Variants in PTPN11 observed in about 807,000 individuals in gnomAD.
PTPN11 encodes protein tyrosine phosphatase non-receptor type 11.
Under a neutral mutation model 78.8 loss-of-function variants are expected in PTPN11, and 6 were observed. The observed-to-expected ratio is 0.08, with a 90% confidence interval of 0.04 to 0.15. The LOEUF (loss-of-function observed/expected upper bound fraction) is 0.15. Ranked by LOEUF, PTPN11 falls within the 10% of genes least tolerant of loss-of-function variation. The probability of loss-of-function intolerance (pLI) is 1.00; values close to 1 mark genes in which losing one functional copy is unlikely to be tolerated. For missense variants in PTPN11, 386 were observed against 744.8 expected, an observed-to-expected ratio of 0.52 and a Z score of 5.61; for synonymous variants, 221 against 263.5, an observed-to-expected ratio of 0.84 and a Z score of 1.56.
At chr12:112,450,073 C>A (rs545828368) in intron 2 of PTPN11, among the ~76,000 whole-genome samples, 5 of 143,128 alleles carry the variant, frequency 3.5e-5, no homozygotes, top group African/African-American at 1.0e-4. Flanking sequence ...GCAATAAGAG[C>A]GAAACTCCAT....
rs1028012625 is a variant in PTPN11 at position 112,488,625 on chromosome 12, A to G, written c.1447+115A>G. On this transcript the variant is annotated intron_variant, in intron 12 of 15. Coordinates refer to ENST00000351677, the MANE Select transcript of PTPN11 (RefSeq NM_002834.5). ...TGAATGGGAAAATTCTTTCACAAAA[A>G]TCTGGGCTGAAGACTTCAGTGTGTC... is the stretch of plus-strand genomic sequence containing the variant. 1.4e-5 allele frequency: 16 copies of G among 1,112,354 alleles called. No individual in the cohort carries two copies. In the African/African-American group the frequency reaches 2.0e-4, roughly 14 times the overall value. The allele number at this position is 1,112,354 out of a possible 1,614,324, so 68.9% of individuals were successfully genotyped here. A position where few individuals can be genotyped will look rare whatever the true frequency, so the allele number is the denominator to read the frequency against.
chr12:112,455,783 AC>A (rs1464501245), intron 5 of PTPN11, among the ~76,000 whole-genome samples, 166 bp from the exon 6 acceptor site: 1 of 152,132 alleles, frequency 6.6e-6, no homozygotes, highest in Non-Finnish European at 1.5e-5. Context: ...AACAGAAAAC[AC>A]GGTGAAACGA....
chr12:112,440,965 CT>C (rs376303682), intron 1 of PTPN11, among the ~76,000 whole-genome samples: 2,038 of 131,472 alleles, frequency 0.016, 36 homozygotes, highest in African/African-American at 0.05. Flanking sequence ...CTTTTCTTTT[CT>C]TTTTTTTTTT....
intron 13 of PTPN11, 50 bp from the exon 14 acceptor site, chr12:112,502,094 C>A (rs1310794162): frequency 1.4e-6 from 2 of 1,423,976 alleles, no homozygotes; most frequent in South Asian, 2.3e-5. Flanking sequence ...TGCTTTTTAT[C>A]CCCTTAAAAT....
chr12:112,463,042 T>A (rs1480187765), intron 6 of PTPN11, among the ~76,000 whole-genome samples: 10 of 152,208 alleles, frequency 6.6e-5, no homozygotes, highest in African/African-American at 2.2e-4. Flanking sequence ...GCAAGCTACT[T>A]GTTTTAATTA....
At chr12:112,440,221 GGTATCACATAAATTGAGGTTGAC>G (rs1236723961) in intron 1 of PTPN11, among the ~76,000 whole-genome samples, 2 of 152,104 alleles carry the variant, frequency 1.3e-5, no homozygotes, top group Non-Finnish European at 2.9e-5. Context: ...TAGAATAATA[GGTATCACATAAATTGAGGTTGAC>G]GTTTTCCCGG....
chr12:112,469,608 G>A (rs1592841146), intron 6 of PTPN11, among the ~76,000 whole-genome samples: 1 of 152,068 alleles, frequency 6.6e-6, no homozygotes, highest in East Asian at 1.9e-4. Context: ...TCTGCTTCCT[G>A]GGTTTAAGCG....
chr12:112,441,125 C>T (rs1362194992), intron 1 of PTPN11, among the ~76,000 whole-genome samples: 1 of 151,494 alleles, frequency 6.6e-6, no homozygotes, highest in African/African-American at 2.4e-5. Context: ...CCACCATGCC[C>T]GGCTGATTTT....
chr12:112,454,818 CTTTTTTTTTTTT>C (rs753974743), intron 5 of PTPN11, 138 bp downstream of exon 5: 2 of 475,104 alleles, frequency 4.2e-6, no homozygotes, highest in Non-Finnish European at 7.8e-6. Flanking sequence ...ACTATCAAAT[CTTTTTTTTTTTT>C]TTTTTTTTTG....
At chr12:112,446,164 T>G (rs1762353830) in intron 1 of PTPN11, 112 bp from the exon 2 acceptor site, 1 of 1,388,446 alleles carries the variant, frequency 7.2e-7, no homozygotes, top group Non-Finnish European at 1.0e-6. Context: ...TCTTGATTTG[T>G]ATTTTCTAAA....
At chr12:112,454,818 CTTTTTTTTTT>C (rs753974743) in intron 5 of PTPN11, 138 bp downstream of exon 5, 1 of 474,832 alleles carries the variant, frequency 2.1e-6, no homozygotes. Flanking sequence ...ACTATCAAAT[CTTTTTTTTTT>C]TTTTTTTTTT....
chr12:112,428,194 T>C (rs1421040345), intron 1 of PTPN11, among the ~76,000 whole-genome samples: 1 of 152,226 alleles, frequency 6.6e-6, no homozygotes, highest in East Asian at 1.9e-4. Flanking sequence ...TAATTGTAAT[T>C]AACTGTAATC....
chr12:112,509,588 T>G lies in PTPN11; in HGVS notation c.*3796T>G, dbSNP rs1282210007. 5 of 152,772 alleles carry G rather than the reference T, an allele frequency of 3.3e-5. No individual in the cohort carries two copies. The highest frequency in any genetic ancestry group is 4.1e-4 in the South Asian group (2 of 4,822). 9.5% of individuals were successfully genotyped at this position (152,772 alleles called of 1,614,324 possible). On this transcript the variant is annotated 3_prime_UTR_variant, in exon 16 of 16. Coordinates refer to ENST00000351677, the MANE Select transcript of PTPN11 (RefSeq NM_002834.5). Reference sequence around the variant, plus strand: ...AAATCTATCCTTTAAAAGGAATACGTTTTAGGATGTCATCATTTTGATGTG... The same window carrying G: ...AAATCTATCCTTTAAAAGGAATACGGTTTAGGATGTCATCATTTTGATGTG...
In PTPN11 at chr12:112,436,501, T is replaced by A. The variant is rs144935652; in HGVS notation, c.15-9775T>A. On this transcript the variant is annotated intron_variant, in intron 1 of 15. Coordinates refer to ENST00000351677, the MANE Select transcript of PTPN11 (RefSeq NM_002834.5). ...CAGTGGTTTGGCTCTGTAGGTTGCTTCAATAACCAAGAGATGCTTCAAATC... is the reference window on the plus strand; with the variant it reads ...CAGTGGTTTGGCTCTGTAGGTTGCTACAATAACCAAGAGATGCTTCAAATC... Among the ~76,000 whole-genome samples the A allele has an allele frequency of 5.6e-3, 850 of 152,254 alleles. 7 individuals are homozygous for A. Among genetic ancestry groups the A allele is most frequent in the African/African-American group, 0.019 (803 of 41,556 alleles).
intron 1 of PTPN11, among the ~76,000 whole-genome samples, chr12:112,419,712 T>C (rs558361162): frequency 6.6e-6 from 1 of 152,288 alleles, no homozygotes; most frequent in South Asian, 2.1e-4. Flanking sequence ...CCACTAGAAG[T>C]ATTTCCTTCC....
chr12:112,490,914 A>G (rs529668065), intron 13 of PTPN11, among the ~76,000 whole-genome samples: 3 of 152,366 alleles, frequency 2.0e-5, no homozygotes, highest in African/African-American at 7.2e-5. Flanking sequence ...TTTAAATGGC[A>G]GACATAACAT....
rs979134724 is a variant in PTPN11 at position 112,506,057 on chromosome 12, A to G, written c.*265A>G. ...TACAATGTAGACAACATTATATTTT[A>G]TAGAATTTGTTTGAAATTGAGGAAG... On this transcript the variant is annotated 3_prime_UTR_variant, in exon 16 of 16. Transcript: ENST00000351677. 2.0e-5 allele frequency: 3 copies of G among 152,264 alleles called. No individual in the cohort carries two copies. The highest frequency in any genetic ancestry group is 7.2e-5 in the African/African-American group (3 of 41,470). The allele number at this position is 152,264 out of a possible 1,614,324, so 9.4% of individuals were successfully genotyped here.
At position 112,477,677 on chromosome 12, in the gene PTPN11, G is replaced by T. The variant is rs376007642; in HGVS notation, c.880G>T (p.Asp294Tyr). Residue 294 changes from aspartate to tyrosine, a missense_variant, in exon 8 of 16, where the codon GAT becomes TAT. Coordinates refer to ENST00000351677, the MANE Select transcript of PTPN11 (RefSeq NM_002834.5). ...TGATCATACCAGGGTTGTCCTACAC[G>T]ATGGTGATCCCAATGAGCCTGTTTC... The part of the protein sequence containing the change: ...PFDHTRVVLH[D>Y]GDPNEPVSDY... 1 of 1,613,048 alleles carries T rather than the reference G, an allele frequency of 6.2e-7. No homozygotes were observed.
Position 112,441,943 on chromosome 12 carries a change from A to AT in PTPN11, c.15-4326dup, listed in dbSNP as rs1427571467. On this transcript the variant is annotated intron_variant, in intron 1 of 15. Transcript: ENST00000351677. Reference sequence around the variant, plus strand: ...AGGCACATGCCACCACGCCTGGCTAATTTTTTTGCATTTTTAGTAGAGAGG... The same window carrying AT: ...AGGCACATGCCACCACGCCTGGCTAATTTTTTTTGCATTTTTAGTAGAGAGG... Among the ~76,000 whole-genome samples the AT allele has an allele frequency of 3.3e-5, 5 of 151,854 alleles. No individual in the cohort carries two copies. The South Asian group carries it at 6.2e-4, about 19-fold the overall frequency.
Sources: gnomAD v4.1 joint callset for allele counts (sites outside exome capture counted in the v4.1 genomes callset) on GRCh38, gnomAD v4.1.1 for gene constraint, MANE v1.5 for transcripts, NCBI Gene and HGNC (gene_info 2026-07-23, HGNC 2026-07-21) for gene names.